Variants in LARGE1 observed in about 807,000 individuals in gnomAD.
LARGE1 encodes the protein xylosyl- and glucuronyltransferase LARGE1.
A neutral mutation model predicts 87.6 loss-of-function variants in LARGE1; 43 were observed. The ratio of observed to expected loss-of-function variants is 0.49; its 90% CI spans 0.38 to 0.63. The LOEUF is 0.63. LARGE1 is among the 30% of genes least tolerant of loss of function. The pLI, the probability that LARGE1 is intolerant of heterozygous loss-of-function variation, is 0.00. For missense variants in LARGE1, 802 were observed against 1,000.2 expected, an observed-to-expected ratio of 0.80 and a Z score of 2.67; for synonymous variants, 434 against 394.6, an observed-to-expected ratio of 1.10 and a Z score of -1.18.
chr22:33,292,095 A>G (rs748470293), intron 12 of LARGE1, among the ~76,000 whole-genome samples: 4 of 152,128 alleles, frequency 2.6e-5, no homozygotes, highest in Non-Finnish European at 5.9e-5. Flanking sequence ...CTCTGTCTCA[A>G]AACAAAAACA....
rs529326796 is a variant in LARGE1 at position 33,364,591 on chromosome 22, T to A, written c.1131+17328A>T. Among the ~76,000 whole-genome samples the A allele has an allele frequency of 2.4e-3, 361 of 152,344 alleles. 1 individual carries two copies. Among genetic ancestry groups the A allele is most frequent in the African/African-American group, 8.3e-3 (347 of 41,588 alleles). ...TCATATTTTAAATTGCATGCCATTT[T>A]AAGTAGCATGTTTCATGCCACTTTA... is the stretch of plus-strand genomic sequence containing the variant. On this transcript the variant is annotated intron_variant, in intron 9 of 14. Coordinates refer to ENST00000397394, the MANE Select transcript of LARGE1 (RefSeq NM_133642.5).
chr22:33,880,995 C>T (rs938662987), intron 1 of LARGE1, among the ~76,000 whole-genome samples: 4 of 151,820 alleles, frequency 2.6e-5, no homozygotes, highest in South Asian at 2.1e-4. Flanking sequence ...AGAATAAATG[C>T]TATTCTTACA....
chr22:33,617,371 G>C, intron 4 of LARGE1, among the ~76,000 whole-genome samples: 1 of 152,184 alleles, frequency 6.6e-6, no homozygotes, highest in Non-Finnish European at 1.5e-5. Flanking sequence ...AAGCCTATGA[G>C]TCTACATCCT....
chr22:33,378,218 AT>A (rs995874152), intron 9 of LARGE1, among the ~76,000 whole-genome samples: 2 of 151,938 alleles, frequency 1.3e-5, no homozygotes, highest in Non-Finnish European at 2.9e-5. Flanking sequence ...CAAATTTTTA[AT>A]TTTTTTTCTT....
chr22:33,081,408 C>T, the LARGE1 span, among the ~76,000 whole-genome samples: 61 of 151,908 alleles, frequency 4.0e-4, no homozygotes, highest in African/African-American at 1.3e-3. Context: ...CATGTGAAGA[C>T]GTAGGGAGGA....
chr22:33,432,286 A>G, intron 6 of LARGE1, 21 bp from the exon 7 acceptor site: 4 of 1,585,938 alleles, frequency 2.5e-6, no homozygotes, highest in Non-Finnish European at 3.5e-6. Flanking sequence ...CAGAGAATAC[A>G]AACATCTTAA....
chr22:33,099,951 T>C, the LARGE1 span, among the ~76,000 whole-genome samples: 1 of 152,208 alleles, frequency 6.6e-6, no homozygotes, highest in African/African-American at 2.4e-5. Flanking sequence ...ACAGAGATTA[T>C]TGGATCACAG....
intron 11 of LARGE1, among the ~76,000 whole-genome samples, chr22:33,307,035 C>A (rs189890186): frequency 8.7e-4 from 132 of 152,268 alleles, no homozygotes; most frequent in Non-Finnish European, 1.5e-3. Context: ...GCCCTCCAGC[C>A]CCAATCTCTC....
At chr22:33,077,797 G>A in the LARGE1 span, among the ~76,000 whole-genome samples, 65 of 151,976 alleles carry the variant, frequency 4.3e-4, no homozygotes, top group Admixed American at 9.8e-4. Flanking sequence ...TAATTCTGAC[G>A]GTGCAGTTTA....
intron 11 of LARGE1, among the ~76,000 whole-genome samples, chr22:33,179,308 T>C (rs72620416): frequency 0.12 from 18,450 of 152,160 alleles, 1,240 homozygotes; most frequent in East Asian, 0.21. Context: ...CAGCTGTCAT[T>C]TAGAATGAGA....
intron 1 of LARGE1, among the ~76,000 whole-genome samples, chr22:33,903,562 C>T (rs2065347633): frequency 6.6e-6 from 1 of 152,138 alleles, no homozygotes; most frequent in African/African-American, 2.4e-5. Context: ...CGCGGTGGCT[C>T]ACGCCTGTAA....
At chr22:33,475,222 C>A (rs2069020436) in intron 6 of LARGE1, among the ~76,000 whole-genome samples, 1 of 152,104 alleles carries the variant, frequency 6.6e-6, no homozygotes, top group South Asian at 2.1e-4. Context: ...ATCTCTGTTT[C>A]ATCTCTTCCT....
At chr22:33,203,990 T>C (rs545207512) in intron 11 of LARGE1, among the ~76,000 whole-genome samples, 1 of 152,304 alleles carries the variant, frequency 6.6e-6, no homozygotes, top group African/African-American at 2.4e-5. Flanking sequence ...GTCTTATTGT[T>C]CTGTATGTCC....
the LARGE1 span, among the ~76,000 whole-genome samples, chr22:33,124,061 C>A: frequency 2.0e-5 from 3 of 152,090 alleles, no homozygotes; most frequent in Non-Finnish European, 4.4e-5. Flanking sequence ...CATAAGGGGG[C>A]GGATCACTTG....
the LARGE1 span, among the ~76,000 whole-genome samples, chr22:33,092,784 C>G: frequency 6.6e-6 from 1 of 152,096 alleles, no homozygotes; most frequent in Non-Finnish European, 1.5e-5. Context: ...CCATCCATGT[C>G]CCTGCAAAGG....
intron 7 of LARGE1, among the ~76,000 whole-genome samples, chr22:33,420,241 C>T (rs966918764): frequency 6.6e-6 from 1 of 152,168 alleles, no homozygotes. Context: ...GTGCCTAATA[C>T]AGGCCAGGCA....
chr22:33,161,992 C>T (rs1232630274), downstream of LARGE1, among the ~76,000 whole-genome samples: 1 of 152,194 alleles, frequency 6.6e-6, no homozygotes, highest in Non-Finnish European at 1.5e-5. Context: ...CACTATCAGC[C>T]TTTTGGTCAA....
chr22:33,792,293 T>C (rs978215673), intron 1 of LARGE1, among the ~76,000 whole-genome samples: 4 of 152,226 alleles, frequency 2.6e-5, no homozygotes, highest in African/African-American at 9.6e-5. Context: ...ATTCTCGTGA[T>C]AATGAGTGTG....
At chr22:33,728,744 A>G (rs76342961) in intron 2 of LARGE1, among the ~76,000 whole-genome samples, 2,594 of 152,068 alleles carry the variant, frequency 0.017, 76 homozygotes, top group African/African-American at 0.058. Context: ...ACTAGCTACT[A>G]GAGGGCAGGA....
Sources: gnomAD v4.1 joint callset for allele counts (sites outside exome capture counted in the v4.1 genomes callset) on GRCh38, gnomAD v4.1.1 for gene constraint, MANE v1.5 for transcripts, NCBI Gene and HGNC (gene_info 2026-07-23, HGNC 2026-07-21) for gene names.